CSNK1A1: variants seen among roughly 807,000 people sequenced by gnomAD.
CSNK1A1 encodes the protein casein kinase I isoform alpha.
CSNK1A1 carries 7 observed loss-of-function variants against 46.1 expected under a neutral mutation model. The ratio of observed to expected loss-of-function variants is 0.15; its 90% CI spans 0.09 to 0.29. The LOEUF (loss-of-function observed/expected upper bound fraction) is 0.29, where lower values mean the gene tolerates loss of function less well. Among genes scored for constraint, CSNK1A1 ranks in the 10% least tolerant of loss-of-function variants. The pLI, the probability that CSNK1A1 is intolerant of heterozygous loss-of-function variation, is 1.00. For synonymous variants in CSNK1A1, 137 were observed against 141.5 expected, an observed-to-expected ratio of 0.97 and a Z score of 0.23; for missense variants, 96 against 417.1, an observed-to-expected ratio of 0.23 and a Z score of 6.71.
chr5:149,535,940 C>T (rs745425677), intron 2 of CSNK1A1, among the ~76,000 whole-genome samples: 126 of 151,920 alleles, frequency 8.3e-4, no homozygotes, highest in Non-Finnish European at 1.6e-3. Flanking sequence ...GCTACCACAC[C>T]CAGCCACCAA....
chr5:149,516,081 A>C (rs1265074553), intron 4 of CSNK1A1, among the ~76,000 whole-genome samples: 1 of 152,220 alleles, frequency 6.6e-6, no homozygotes, highest in Non-Finnish European at 1.5e-5. Flanking sequence ...GCATTTTGGG[A>C]GGCCAAGGCA....
At chr5:149,513,018 A>G (rs1296834223) in intron 5 of CSNK1A1, 52 bp downstream of exon 5, 3 of 1,599,650 alleles carry the variant, frequency 1.9e-6, no homozygotes, top group Non-Finnish European at 2.6e-6. Flanking sequence ...TCAAAAACCC[A>G]TTGATGGCTT....
At position 149,550,642 on chromosome 5, in the gene CSNK1A1, T is replaced by TC. The variant is rs1438931395; in HGVS notation, c.123+199dup. On this transcript the variant is annotated intron_variant, in intron 1 of 9. Transcript: ENST00000377843. This position sits in a 1 kb window ranked among gnomAD's most constrained non-coding sequence, Gnocchi z 4.3. ...GTGTTTAACAAGGTGGGAAACTAGT[T>TC]CCCCCAACCTTTCTATCGGGTTCTT... Among the ~76,000 whole-genome samples, 1 of 151,216 alleles carries TC rather than the reference T, an allele frequency of 6.6e-6. No individual in the cohort carries two copies. The highest frequency in any genetic ancestry group is 2.4e-5 in the African/African-American group (1 of 41,132).
intron 9 of CSNK1A1, chr5:149,498,236 T>G (rs905023831): frequency 5.1e-6 from 5 of 985,224 alleles, no homozygotes; most frequent in African/African-American, 1.7e-5. Context: ...CCTTTTTTTT[T>G]TTGGGAAATA....
Position 149,495,878 on chromosome 5 carries a change from C to T in CSNK1A1, c.*975G>A, listed in dbSNP as rs915273786. On this transcript the variant is annotated 3_prime_UTR_variant, in exon 10 of 10. Coordinates refer to ENST00000377843, the MANE Select transcript of CSNK1A1 (RefSeq NM_001892.6). The stretch of plus-strand genomic sequence containing the variant: ...ACCTAAATTGACTTGCAAAGGAATA[C>T]CATGTAACAAATGGCTTGAAGTAGT... 2 of 151,976 alleles carry T rather than the reference C, an allele frequency of 1.3e-5. No individual in the cohort carries two copies. Among genetic ancestry groups the T allele is most frequent in the Non-Finnish European group, 2.9e-5 (2 of 67,956 alleles). The allele number at this position is 151,976 out of a possible 1,614,324, so 9.4% of individuals were successfully genotyped here.
chr5:149,517,864 G>A lies in CSNK1A1; in HGVS notation c.456+2426C>T. On this transcript the variant is annotated intron_variant, in intron 4 of 9. Coordinates refer to ENST00000377843, the MANE Select transcript of CSNK1A1 (RefSeq NM_001892.6). This position sits in a 1 kb window ranked among gnomAD's most constrained non-coding sequence, Gnocchi z 4.4. ...CATGCTTCTTTTCCTCTTCCCCACT[G>A]GAGATTCTAAACACTAAACAGACAA... The A allele has an allele frequency of 6.3e-7, 1 of 1,599,702 alleles. No individual in the cohort carries two copies.
intron 2 of CSNK1A1, among the ~76,000 whole-genome samples, chr5:149,540,235 A>C (rs1268052155): frequency 6.6e-6 from 1 of 152,194 alleles, no homozygotes; most frequent in African/African-American, 2.4e-5. Context: ...ATAGGTTCAA[A>C]TCTAGATGGC....
rs112562353 is a variant in CSNK1A1 at position 149,542,695 on chromosome 5, T to A, written c.230+7380A>T. Among the ~76,000 whole-genome samples, 29 of 39,540 alleles carry A rather than the reference T, an allele frequency of 7.3e-4. 2 individuals carry two copies. Among genetic ancestry groups the A allele is most frequent in the African/African-American group, 2.6e-3 (24 of 9,250 alleles). 25.9% of individuals were successfully genotyped at this position (39,540 alleles called of 152,430 possible). On this transcript the variant is annotated intron_variant, in intron 2 of 9. Coordinates refer to ENST00000377843, the MANE Select transcript of CSNK1A1 (RefSeq NM_001892.6). ...ATGTATATATATATATATATATATTTTTTTTTTTTTTTTTTTTTGAGACAG... is the reference window on the plus strand; with the variant it reads ...ATGTATATATATATATATATATATTATTTTTTTTTTTTTTTTTTGAGACAG...
chr5:149,515,454 C>T (rs1489218750), intron 4 of CSNK1A1, among the ~76,000 whole-genome samples: 3 of 152,172 alleles, frequency 2.0e-5, no homozygotes, highest in Non-Finnish European at 2.9e-5. Flanking sequence ...ATCAAGTAAA[C>T]TACAAATATG....
At chr5:149,540,718 A>C (rs905854366) in intron 2 of CSNK1A1, among the ~76,000 whole-genome samples, 3 of 152,132 alleles carry the variant, frequency 2.0e-5, no homozygotes, top group African/African-American at 4.8e-5. Flanking sequence ...CAATGTGTGC[A>C]TACAAAAAAA....
chr5:149,545,894 C>T (rs991478933), intron 2 of CSNK1A1: 1 of 233,416 alleles, frequency 4.3e-6, no homozygotes, highest in South Asian at 5.5e-5. Context: ...CTTATCCTTG[C>T]TTTTTTTTTT....
intron 9 of CSNK1A1, chr5:149,497,999 A>G (rs1251665612): frequency 3.0e-6 from 2 of 667,260 alleles, no homozygotes; most frequent in African/African-American, 2.0e-5. Flanking sequence ...ATGCCTGGCT[A>G]ATTTTTGTAT....
At chr5:149,509,013 G>A (rs1477263436) in intron 7 of CSNK1A1, among the ~76,000 whole-genome samples, 1 of 152,006 alleles carries the variant, frequency 6.6e-6, no homozygotes, top group Non-Finnish European at 1.5e-5. Flanking sequence ...CTGCAGCCTC[G>A]ACCTCCTGGG....
chr5:149,497,216 T>C, intron 9 of CSNK1A1: 1 of 1,019,030 alleles, frequency 9.8e-7, no homozygotes. Flanking sequence ...ACAGATTGCT[T>C]TGCTTTAACT....
chr5:149,545,389 C>A, intron 2 of CSNK1A1: 1 of 471,986 alleles, frequency 2.1e-6, no homozygotes, highest in Non-Finnish European at 3.8e-6. Context: ...ATACCTACTC[C>A]GAAGCCTTTG....
At chr5:149,518,217 C>CA (rs1253500974) in intron 4 of CSNK1A1, among the ~76,000 whole-genome samples, 5 of 151,796 alleles carry the variant, frequency 3.3e-5, no homozygotes, top group South Asian at 4.2e-4. Context: ...CCTTCCCCCC[C>CA]AAAAAAATAT....
At chr5:149,546,323 G>C (rs879429258) in intron 2 of CSNK1A1, among the ~76,000 whole-genome samples, 3 of 151,870 alleles carry the variant, frequency 2.0e-5, no homozygotes, top group Non-Finnish European at 4.4e-5. Flanking sequence ...TCTGTTGTAA[G>C]ATATACCAAA....
chr5:149,518,814 G>C (rs1761475802), intron 4 of CSNK1A1, among the ~76,000 whole-genome samples: 1 of 151,988 alleles, frequency 6.6e-6, no homozygotes, highest in Admixed American at 6.6e-5. Context: ...AGGGGGGGAA[G>C]GCAAAGTGAT....
intron 8 of CSNK1A1, 81 bp from the exon 9 acceptor site, chr5:149,505,676 A>T (rs1760998503): frequency 1.7e-6 from 2 of 1,164,978 alleles, no homozygotes; most frequent in Middle Eastern, 2.9e-4. Context: ...TAAGACAGTG[A>T]CAGCATTTCT....
Sources: allele counts gnomAD v4.1 joint callset (sites outside exome capture counted in the v4.1 genomes callset), GRCh38; gene constraint gnomAD v4.1.1; non-coding constraint Gnocchi (gnomAD v3.1); transcripts MANE v1.5; gene names NCBI Gene and HGNC (gene_info 2026-07-23, HGNC 2026-07-21).